The following BMERB1 variants were observed in gnomAD, a reference collection of about 807,000 sequenced individuals.
The protein encoded by BMERB1 is bMERB domain-containing protein 1.
BMERB1 carries 12 observed loss-of-function variants against 23.6 expected under a neutral mutation model. The ratio of observed to expected loss-of-function variants is 0.51; its 90% confidence interval spans 0.33 to 0.82. The LOEUF is 0.82. Ranked by LOEUF, BMERB1 falls within the 40% of genes least tolerant of loss-of-function variation. The pLI, the probability that BMERB1 is intolerant of heterozygous loss-of-function variation, is 0.03. For synonymous variants in BMERB1, 122 were observed against 96.6 expected, an observed-to-expected ratio of 1.26 and a Z score of -1.54; for missense variants, 247 against 255.4, an observed-to-expected ratio of 0.97 and a Z score of 0.22.
chr16:15,435,389 C>T (rs889794319), intron 1 of BMERB1, among the ~76,000 whole-genome samples: 1 of 152,176 alleles, frequency 6.6e-6, no homozygotes, highest in Non-Finnish European at 1.5e-5. Context: ...CGAAATAGAC[C>T]GGCTGTATTT....
In BMERB1 at chr16:15,586,641, G is replaced by A. The variant is rs567820724; in HGVS notation, c.503-76G>A. On this transcript the variant is annotated intron_variant, in intron 5 of 5. Transcript: ENST00000300006. ...TTGCAGTGGGGCTGGGCTGCAGATG[G>A]TCAGGGCTCTGCTCACCTCACCTCT... 2.3e-4 allele frequency: 292 copies of A among 1,263,246 alleles called. 1 individual carries two copies. The highest frequency in any genetic ancestry group is 2.9e-4 in the Non-Finnish European group (256 of 883,526). The allele number at this position is 1,263,246 out of a possible 1,614,324, so 78.3% of individuals were successfully genotyped here.
At chr16:15,527,733 T>A (rs577956274) in intron 2 of BMERB1, among the ~76,000 whole-genome samples, 15 of 152,318 alleles carry the variant, frequency 9.8e-5, no homozygotes, top group African/African-American at 3.4e-4. Context: ...TCCACTTAAA[T>A]GTCTCAAAGA....
chr16:15,526,621 G>A (rs1268573281), intron 2 of BMERB1, among the ~76,000 whole-genome samples: 4 of 135,404 alleles, frequency 3.0e-5, no homozygotes, highest in Admixed American at 1.7e-4. Context: ...CTGAGATCCC[G>A]CCACTGCACT....
At chr16:15,510,063 G>C (rs1158653223) in intron 1 of BMERB1, among the ~76,000 whole-genome samples, 6 of 152,302 alleles carry the variant, frequency 3.9e-5, no homozygotes, top group Admixed American at 3.9e-4. Context: ...TACAAACCAA[G>C]GAGCCAGCAG....
chr16:15,492,035 C>A (rs1236203869), intron 1 of BMERB1, among the ~76,000 whole-genome samples: 1 of 152,156 alleles, frequency 6.6e-6, no homozygotes, highest in East Asian at 1.9e-4. Context: ...AAAGAGCCCC[C>A]AAATGACATA....
intron 2 of BMERB1, among the ~76,000 whole-genome samples, chr16:15,558,058 T>C (rs2030315574): frequency 6.6e-6 from 1 of 151,908 alleles, no homozygotes; most frequent in African/African-American, 2.4e-5. Context: ...AAAAAAATTT[T>C]TTTTGACTTG....
At chr16:15,445,537 A>G (rs1030962726) in intron 1 of BMERB1, among the ~76,000 whole-genome samples, 2 of 152,146 alleles carry the variant, frequency 1.3e-5, no homozygotes, top group African/African-American at 4.8e-5. Flanking sequence ...AAGGAAATAC[A>G]TATGTGGAAT....
At chr16:15,576,100 G>A (rs1448980971) in intron 3 of BMERB1, among the ~76,000 whole-genome samples, 1 of 149,944 alleles carries the variant, frequency 6.7e-6, no homozygotes, top group Non-Finnish European at 1.5e-5. Flanking sequence ...GTGCAGTGGC[G>A]AGATCTGGGT....
chr16:15,567,918 GGTGATGCTCAGGGC>G, intron 2 of BMERB1, 51 bp from the exon 3 acceptor site: 1 of 1,432,984 alleles, frequency 7.0e-7, no homozygotes, highest in Non-Finnish European at 9.7e-7. Context: ...GTGTTAACCG[GGTGATGCTCAGGGC>G]GTAATGCTCT....
At chr16:15,460,171 T>C (rs1261445788) in intron 1 of BMERB1, among the ~76,000 whole-genome samples, 1 of 152,136 alleles carries the variant, frequency 6.6e-6, no homozygotes, top group Non-Finnish European at 1.5e-5. Flanking sequence ...ACTCAGGAAT[T>C]ATTGGAGTAG....
chr16:15,586,750 C>T lies in BMERB1; in HGVS notation c.536C>T (p.Pro179Leu). Residue 179 changes from proline to leucine, a missense_variant, in exon 6 of 6, where the codon CCT (proline) becomes CTT (leucine). Physicochemically the swap from Pro to Leu is moderately conservative, Grantham distance 98. Coordinates refer to ENST00000300006, the MANE Select transcript of BMERB1 (RefSeq NM_033201.3). Reference sequence around the variant, plus strand: ...GCAGAGAAGAAAGCAGAGCCCCCACCTAGCAAGCCCACGGTGGCCAAGACG... The same window carrying T: ...GCAGAGAAGAAAGCAGAGCCCCCACTTAGCAAGCCCACGGTGGCCAAGACG... Reference protein sequence around the residue: ...SRAEKKAEPPPSKPTVAKTGL... With the variant: ...SRAEKKAEPPLSKPTVAKTGL... The T allele has an allele frequency of 6.2e-7, 1 of 1,612,258 alleles. No individual in the cohort carries two copies. The highest frequency in any genetic ancestry group is 1.1e-5 in the South Asian group (1 of 90,454).
At chr16:15,531,959 G>A (rs1451271467) in intron 2 of BMERB1, among the ~76,000 whole-genome samples, 1 of 152,180 alleles carries the variant, frequency 6.6e-6, no homozygotes, top group Admixed American at 6.5e-5. Flanking sequence ...AAGTGACTTA[G>A]CAGAGCTGCC....
At chr16:15,491,228 C>T (rs915917635) in intron 1 of BMERB1, among the ~76,000 whole-genome samples, 1 of 152,172 alleles carries the variant, frequency 6.6e-6, no homozygotes, top group Admixed American at 6.5e-5. Context: ...ATGTCCCAGG[C>T]TTTGCACACA....
intron 1 of BMERB1, among the ~76,000 whole-genome samples, chr16:15,448,963 C>G (rs1054445022): frequency 6.6e-6 from 1 of 152,062 alleles, no homozygotes; most frequent in Non-Finnish European, 1.5e-5. Flanking sequence ...TGGGTATAGG[C>G]TGGGCTAGGT....
chr16:15,546,256 C>G (rs906524485), intron 2 of BMERB1, among the ~76,000 whole-genome samples: 1 of 152,178 alleles, frequency 6.6e-6, no homozygotes, highest in African/African-American at 2.4e-5. Context: ...CAACTGCACT[C>G]CAGCCTACAT....
Position 15,444,123 on chromosome 16 carries a change from G to GTTTTTTTTTTTTTTTTTTTTTTTTTT in BMERB1, c.106+9366_106+9391dup, listed in dbSNP as rs150793082. ...AGGCCAGGGTCCAGGCACCAGCTTT[G>GTTTTTTTTTTTTTTTTTTTTTTTTTT]TTTTTTTTTTTTTTTTTTTTTTTTT... On this transcript the variant is annotated intron_variant, in intron 1 of 5. Transcript: ENST00000300006. Among the ~76,000 whole-genome samples the GTTTTTTTTTTTTTTTTTTTTTTTTTT allele has an allele frequency of 1.9e-3, 66 of 35,618 alleles. 13 individuals carry two copies. The highest frequency in any genetic ancestry group is 2.2e-3 in the Non-Finnish European group (48 of 21,680). The allele number at this position is 35,618 out of a possible 152,430, so 23.4% of individuals were successfully genotyped here. A position where few individuals can be genotyped will look rare whatever the true frequency, so the allele number is the denominator to read the frequency against.
chr16:15,544,181 G>A lies in BMERB1; in HGVS notation c.231-23802G>A, dbSNP rs183154386. On this transcript the variant is annotated intron_variant, in intron 2 of 5. Coordinates refer to ENST00000300006, the MANE Select transcript of BMERB1 (RefSeq NM_033201.3). The stretch of plus-strand genomic sequence containing the variant: ...TCGAATTTAGCAATCTTATGCTAAG[G>A]TTTTCATTAAAGATGCTGATGAGTC... Among the ~76,000 whole-genome samples the A allele has an allele frequency of 1.8e-3, 278 of 152,290 alleles. 1 individual carries two copies. Among genetic ancestry groups the A allele is most frequent in the Middle Eastern group, 0.017 (5 of 294 alleles).
At chr16:15,517,944 G>T (rs866385336) in intron 2 of BMERB1, among the ~76,000 whole-genome samples, 14 of 144,682 alleles carry the variant, frequency 9.7e-5, no homozygotes, top group East Asian at 2.1e-4. Context: ...TGCATGTGTG[G>T]GTGTGTGTGT....
chr16:15,559,570 G>T (rs1178374418), intron 2 of BMERB1, among the ~76,000 whole-genome samples: 1 of 152,216 alleles, frequency 6.6e-6, no homozygotes, highest in Non-Finnish European at 1.5e-5. Flanking sequence ...TGACGGTCTA[G>T]AAGAGTTTAT....
Sources: gnomAD v4.1 joint callset for allele counts (sites outside exome capture counted in the v4.1 genomes callset) on GRCh38, gnomAD v4.1.1 for gene constraint, MANE v1.5 for transcripts, NCBI Gene and HGNC (gene_info 2026-07-23, HGNC 2026-07-21) for gene names.